The following NBAS variants were observed in gnomAD, a reference collection of about 807,000 sequenced individuals.
NBAS encodes NBAS subunit of NRZ tethering complex.
In NBAS, 219 loss-of-function variants were observed where a neutral mutation model predicts 302.5. The observed-to-expected ratio is 0.72, with a 90% CI of 0.65 to 0.81. The LOEUF (loss-of-function observed/expected upper bound fraction) is 0.81. Among genes scored for constraint, NBAS ranks in the 30% least tolerant of loss-of-function variants. The pLI, the probability that NBAS is intolerant of heterozygous loss-of-function variation, is 0.00. For missense variants in NBAS, 2,932 were observed against 2,841.6 expected (o/e 1.03, Z -0.72); for synonymous variants, 1,118 against 1,021.6 (o/e 1.09, Z -1.80).
chr2:15,172,976 T>C (rs938029562), intron 51 of NBAS, among the ~76,000 whole-genome samples: 3 of 152,198 alleles, frequency 2.0e-5, no homozygotes, highest in African/African-American at 7.2e-5. Context: ...TTGGGAATAA[T>C]ACAAGCTTTT....
the NBAS span, among the ~76,000 whole-genome samples, chr2:14,920,027 G>A: frequency 6.6e-6 from 1 of 152,088 alleles, no homozygotes; most frequent in Non-Finnish European, 1.5e-5. Context: ...AATTTACTTT[G>A]CCAAGGCCCA....
chr2:15,167,426 C>T, intron 51 of NBAS, 103 bp from the exon 52 acceptor site: 1 of 1,448,128 alleles, frequency 6.9e-7, no homozygotes, highest in East Asian at 2.4e-5. Flanking sequence ...ATCATTCATG[C>T]CCTGGCCTGG....
chr2:15,245,870 G>A (rs965062562), intron 44 of NBAS, among the ~76,000 whole-genome samples: 2 of 152,096 alleles, frequency 1.3e-5, no homozygotes, highest in Non-Finnish European at 2.9e-5. Flanking sequence ...TTGGTTGGTT[G>A]GCTGGTTTTT....
chr2:14,839,928 A>G, the NBAS span, among the ~76,000 whole-genome samples: 1 of 152,022 alleles, frequency 6.6e-6, no homozygotes, highest in South Asian at 2.1e-4. Context: ...CACCAAACAG[A>G]CAAAGCAAGT....
In NBAS at chr2:15,475,683, T is replaced by C; in HGVS notation, c.1341+4A>G. 1 of 1,613,940 alleles carries C rather than the reference T, an allele frequency of 6.2e-7. No homozygotes were observed. Among genetic ancestry groups the C allele is most frequent in the East Asian group, 2.2e-5 (1 of 44,852 alleles). On this transcript the variant is annotated splice_donor_region_variant and intron_variant, in intron 14 of 51. Coordinates refer to ENST00000281513, the MANE Select transcript of NBAS (RefSeq NM_015909.4). ...ATTCTCAAACAAACAGGAAAAAGCCTTACCTCCAAACTTAAAAATCCCCCA... is the reference window on the plus strand; with the variant it reads ...ATTCTCAAACAAACAGGAAAAAGCCCTACCTCCAAACTTAAAAATCCCCCA...
the NBAS span, among the ~76,000 whole-genome samples, chr2:14,935,127 G>A: frequency 6.6e-6 from 1 of 151,992 alleles, no homozygotes; most frequent in Non-Finnish European, 1.5e-5. Flanking sequence ...TTTATGTCCT[G>A]CACCATTTTT....
At chr2:14,787,089 C>T in the NBAS span, among the ~76,000 whole-genome samples, 1 of 152,072 alleles carries the variant, frequency 6.6e-6, no homozygotes, top group South Asian at 2.1e-4. Context: ...GCCTCTTTGT[C>T]TCTTTTGATC....
chr2:15,499,957 TC>T (rs1360593383), intron 11 of NBAS, among the ~76,000 whole-genome samples: 3 of 152,178 alleles, frequency 2.0e-5, no homozygotes, highest in Non-Finnish European at 4.4e-5. Context: ...TCCACTCTAT[TC>T]CACTAGCTCC....
At chr2:14,785,794 T>C in the NBAS span, among the ~76,000 whole-genome samples, 1 of 152,194 alleles carries the variant, frequency 6.6e-6, no homozygotes, top group Non-Finnish European at 1.5e-5. Flanking sequence ...TTTTTGGTTG[T>C]GTCTCTGCCC....
intron 35 of NBAS, among the ~76,000 whole-genome samples, chr2:15,331,755 G>A (rs1222853142): frequency 6.6e-6 from 1 of 152,146 alleles, no homozygotes; most frequent in Non-Finnish European, 1.5e-5. Context: ...TGCCATATAT[G>A]GTAAGTAGAA....
At chr2:15,377,550 G>A (rs185522697) in intron 30 of NBAS, among the ~76,000 whole-genome samples, 186 of 152,292 alleles carry the variant, frequency 1.2e-3, no homozygotes, top group Admixed American at 3.3e-3. Flanking sequence ...AAGAACCTGA[G>A]GCCCTGATGA....
At chr2:15,527,749 A>G (rs1164653031) in intron 9 of NBAS, among the ~76,000 whole-genome samples, 2 of 152,192 alleles carry the variant, frequency 1.3e-5, no homozygotes, top group Non-Finnish European at 2.9e-5. Flanking sequence ...CAAAATAGAA[A>G]AAAATTAACA....
chr2:14,800,785 G>GGTTT, the NBAS span, among the ~76,000 whole-genome samples: 1 of 129,526 alleles, frequency 7.7e-6, no homozygotes, highest in African/African-American at 3.2e-5. Flanking sequence ...GATTTAAATT[G>GGTTT]TTTTTGTTTT....
chr2:14,944,660 T>C, the NBAS span, among the ~76,000 whole-genome samples: 1 of 152,020 alleles, frequency 6.6e-6, no homozygotes, highest in Non-Finnish European at 1.5e-5. Flanking sequence ...TGGCACAAGA[T>C]TATCACCAGC....
Position 15,468,553 on chromosome 2 carries a change from CAG to C in NBAS, c.1726-22_1726-21del, listed in dbSNP as rs766135124. ...TTTACTCTGCATATAAAGGAAGAAA[CAG>C]AGGAATTACAGAATCCATGACATCT... On this transcript the variant is annotated intron_variant, in intron 16 of 51. Coordinates refer to ENST00000281513, the MANE Select transcript of NBAS (RefSeq NM_015909.4). The C allele has an allele frequency of 4.3e-6, 7 of 1,612,778 alleles. No individual in the cohort carries two copies. The highest frequency in any genetic ancestry group is 5.9e-6 in the Non-Finnish European group (7 of 1,179,006).
At chr2:15,172,280 C>G (rs886983985) in intron 51 of NBAS, among the ~76,000 whole-genome samples, 1 of 152,142 alleles carries the variant, frequency 6.6e-6, no homozygotes, top group Non-Finnish European at 1.5e-5. Context: ...AATTTCCTAT[C>G]ATTTTTATTT....
intron 48 of NBAS, among the ~76,000 whole-genome samples, chr2:15,203,890 T>TGCTTGTGTGTGTG (rs1666009557): frequency 2.4e-4 from 31 of 129,460 alleles, no homozygotes; most frequent in African/African-American, 8.1e-4. Context: ...GTGTGTGTGC[T>TGCTTGTGTGTGTG]TGTGTGTGTG....
At chr2:15,232,299 G>A (rs185953662) in intron 47 of NBAS, 123 bp downstream of exon 47, 68 of 869,156 alleles carry the variant, frequency 7.8e-5, no homozygotes, top group African/African-American at 2.8e-4. Flanking sequence ...GTGCAGAGCC[G>A]CTCCTTTCCC....
rs1553304350 is a variant in NBAS at position 15,396,385 on chromosome 2, GA to G, written c.3134+27del. The G allele has an allele frequency of 8.9e-3, 11,548 of 1,294,046 alleles. 25 individuals carry two copies. The highest frequency in any genetic ancestry group is 0.011 in the South Asian group (794 of 70,264). 80.2% of individuals were successfully genotyped at this position (1,294,046 alleles called of 1,614,324 possible). On this transcript the variant is annotated intron_variant, in intron 27 of 51. Transcript: ENST00000281513. ...GACAAATTCCCTTAATAAGCATGGA[GA>G]AAAAAAAAAACTGTCATTTTTCTCA...
Sources: gnomAD v4.1 joint callset for allele counts (sites outside exome capture counted in the v4.1 genomes callset) on GRCh38, gnomAD v4.1.1 for gene constraint, MANE v1.5 for transcripts, NCBI Gene and HGNC (gene_info 2026-07-23, HGNC 2026-07-21) for gene names.